Variants in PSMC1 observed in about 807,000 individuals in gnomAD.
PSMC1 encodes the protein 26S proteasome regulatory subunit 4.
A neutral mutation model predicts 49.8 loss-of-function variants in PSMC1; 5 were observed. The observed-to-expected ratio is 0.10, with a 90% CI of 0.05 to 0.21. The LOEUF is 0.21. Ranked by LOEUF, PSMC1 falls within the 10% of genes least tolerant of loss-of-function variation. The probability of loss-of-function intolerance (pLI) is 1.00; values close to 1 mark genes in which losing one functional copy is unlikely to be tolerated. For missense variants in PSMC1, 181 were observed against 535.7 expected, an observed-to-expected ratio of 0.34 and a Z score of 6.54; for synonymous variants, 155 against 192.1, an observed-to-expected ratio of 0.81 and a Z score of 1.60.
At chr14:90,266,264 A>C (rs1359738579) in intron 7 of PSMC1, among the ~76,000 whole-genome samples, 3 of 151,918 alleles carry the variant, frequency 2.0e-5, no homozygotes, top group African/African-American at 7.3e-5. Context: ...AAAAAAAAAA[A>C]CAAAAAAAAC....
intron 7 of PSMC1, among the ~76,000 whole-genome samples, chr14:90,265,492 C>T (rs965514747): frequency 6.6e-6 from 1 of 152,066 alleles, no homozygotes; most frequent in South Asian, 2.1e-4. Flanking sequence ...AGTTCGAGAC[C>T]AGCCTGGCCA....
At chr14:90,271,489 A>G (rs1340821674) in intron 10 of PSMC1, 6 of 152,212 alleles carry the variant, frequency 3.9e-5, no homozygotes, top group Admixed American at 6.5e-5. Context: ...AATATATTGG[A>G]ATAAATGCTA....
At chr14:90,270,449 G>A (rs755199127) in intron 10 of PSMC1, 97 bp downstream of exon 10, 104 of 1,321,854 alleles carry the variant, frequency 7.9e-5, no homozygotes, top group Non-Finnish European at 1.0e-4. Flanking sequence ...GCCTGGACAG[G>A]TGGGTGTCTG....
chr14:90,259,815 T>C (rs553837137), intron 2 of PSMC1, among the ~76,000 whole-genome samples: 1 of 151,936 alleles, frequency 6.6e-6, no homozygotes. Flanking sequence ...AGAGATGGAG[T>C]TTCACCATGT....
intron 3 of PSMC1, among the ~76,000 whole-genome samples, chr14:90,262,336 GTT>G (rs1266273442): frequency 1.3e-5 from 2 of 151,890 alleles, no homozygotes; most frequent in Non-Finnish European, 2.9e-5. Flanking sequence ...CATTTCAAAA[GTT>G]TTTGTCCAGA....
intron 1 of PSMC1, 140 bp from the exon 2 acceptor site, chr14:90,259,020 C>A (rs1275254958): frequency 3.0e-6 from 2 of 674,398 alleles, no homozygotes; most frequent in Non-Finnish European, 4.6e-6. Flanking sequence ...GCAAGTATTA[C>A]ATCTTGGGTT....
intron 6 of PSMC1, among the ~76,000 whole-genome samples, chr14:90,264,762 T>C (rs562164630): frequency 5.9e-5 from 9 of 152,314 alleles, no homozygotes; most frequent in African/African-American, 2.2e-4. Flanking sequence ...TGTAGTTTAA[T>C]TGAAAAGGGT....
chr14:90,256,647 G>A, intron 1 of PSMC1, 47 bp downstream of exon 1: 1 of 1,574,268 alleles, frequency 6.4e-7, no homozygotes, highest in African/African-American at 1.3e-5. Context: ...GGTGCGATGG[G>A]GTCTCAGCAG....
chr14:90,274,838 A>ACACACAC lies in PSMC1; in HGVS notation c.*2432_*2433insACACACC, dbSNP rs1491397403. ...CACACACACACACACACACACACAC[A>ACACACAC]CCCCAATACATATGAATTGATCTGA... On this transcript the variant is annotated 3_prime_UTR_variant, in exon 11 of 11. Coordinates refer to ENST00000261303, the MANE Select transcript of PSMC1 (RefSeq NM_002802.3). 9 of 67,220 alleles carry ACACACAC rather than the reference A, an allele frequency of 1.3e-4. No homozygotes were observed. The highest frequency in any genetic ancestry group is 1.0e-3 in the East Asian group (3 of 2,958). 4.2% of individuals were successfully genotyped at this position (67,220 alleles called of 1,614,324 possible). A position where few individuals can be genotyped will look rare whatever the true frequency, so the allele number is the denominator to read the frequency against.
At chr14:90,258,024 A>G (rs1236015122) in intron 1 of PSMC1, among the ~76,000 whole-genome samples, 1 of 152,232 alleles carries the variant, frequency 6.6e-6, no homozygotes, top group Non-Finnish European at 1.5e-5. Flanking sequence ...GAAGAAATGG[A>G]AACACAGTAA....
intron 7 of PSMC1, among the ~76,000 whole-genome samples, chr14:90,266,265 C>G (rs201170709): frequency 3.1e-4 from 46 of 147,934 alleles, no homozygotes; most frequent in Non-Finnish European, 4.3e-4. Flanking sequence ...AAAAAAAAAA[C>G]AAAAAAAACC....
chr14:90,271,940 TAG>T (rs1009316666), intron 10 of PSMC1: 53 of 174,082 alleles, frequency 3.0e-4, no homozygotes, highest in Non-Finnish European at 5.1e-4. Context: ...TTGCTCAGGC[TAG>T]AGTGCAGTGG....
At chr14:90,266,599 T>C (rs1891521002) in intron 7 of PSMC1, among the ~76,000 whole-genome samples, 1 of 152,184 alleles carries the variant, frequency 6.6e-6, no homozygotes, top group South Asian at 2.1e-4. Flanking sequence ...GACCCACAGC[T>C]GCAGGCCCCC....
intron 1 of PSMC1, among the ~76,000 whole-genome samples, chr14:90,258,520 T>C (rs557559360): frequency 1.1e-3 from 166 of 152,294 alleles, no homozygotes; most frequent in African/African-American, 3.7e-3. Context: ...CCTATAACTG[T>C]AGGGTCTCTT....
chr14:90,271,892 ATTTT>A lies in PSMC1; in HGVS notation c.1189-365_1189-362del, dbSNP rs58641715. On this transcript the variant is annotated intron_variant, in intron 10 of 10. Transcript: ENST00000261303. ...TGTCTCATGCTTTATTTCAGAACAG[ATTTT>A]TTTTTTTTTTTTTTTGAGGTAGAGT... 1.4e-3 allele frequency: 200 copies of A among 140,138 alleles called. 2 individuals are homozygous for A. In the South Asian group the frequency reaches 0.022, roughly 16 times the overall value. The allele number at this position is 140,138 out of a possible 1,614,324, so 8.7% of individuals were successfully genotyped here. A position where few individuals can be genotyped will look rare whatever the true frequency, so the allele number is the denominator to read the frequency against.
Position 90,265,242 on chromosome 14 carries a change from GAACT to G in PSMC1, c.691+79_691+82del, listed in dbSNP as rs1891481469. The G allele has an allele frequency of 5.0e-6, 5 of 991,284 alleles. No individual in the cohort carries two copies. The Admixed American group carries it at 1.1e-4, about 21-fold the overall frequency. The allele number at this position is 991,284 out of a possible 1,614,324, so 61.4% of individuals were successfully genotyped here. On this transcript the variant is annotated intron_variant, in intron 7 of 10. Transcript: ENST00000261303. The stretch of plus-strand genomic sequence containing the variant: ...GCAGCATTGGCTAGTTATAATTACT[GAACT>G]AATAAGAGAGGACACCACAATTCCT...
At chr14:90,268,122 G>A (rs1233688885) in intron 7 of PSMC1, 102 bp from the exon 8 acceptor site, 9 of 922,840 alleles carry the variant, frequency 9.8e-6, no homozygotes, top group African/African-American at 6.7e-5. Context: ...ATGAGGGCCC[G>A]CCTGTTTTTG....
intron 10 of PSMC1, chr14:90,270,998 A>G (rs1891646484): frequency 6.6e-6 from 1 of 152,218 alleles, no homozygotes; most frequent in Admixed American, 6.5e-5. Flanking sequence ...GTCCTAGAGA[A>G]CTAGATGTCT....
chr14:90,264,230 A>G (rs1891461077), intron 6 of PSMC1, 61 bp downstream of exon 6: 1 of 1,597,316 alleles, frequency 6.3e-7, no homozygotes, highest in Admixed American at 1.8e-5. Context: ...CCCATTTAGG[A>G]TACTTTGCAG....
Sources: allele counts gnomAD v4.1 joint callset (sites outside exome capture counted in the v4.1 genomes callset), GRCh38; gene constraint gnomAD v4.1.1; transcripts MANE v1.5; gene names NCBI Gene and HGNC (gene_info 2026-07-23, HGNC 2026-07-21).